The following NALCN variants were observed in gnomAD, a reference collection of about 807,000 sequenced individuals.
The protein encoded by NALCN is sodium leak channel NALCN.
NALCN carries 111 observed loss-of-function variants against 225.3 expected under a neutral mutation model. That is an observed-to-expected ratio of 0.49 (90% CI 0.42 to 0.58). The LOEUF is 0.58. NALCN is among the 20% of genes least tolerant of loss of function. The pLI is 0.00. For missense variants in NALCN, 1,378 were observed against 2,202.4 expected (o/e 0.63, Z 7.49); for synonymous variants, 764 against 769.0 (o/e 0.99, Z 0.11).
intron 28 of NALCN, among the ~76,000 whole-genome samples, chr13:101,091,114 C>T (rs2034209175): frequency 6.6e-6 from 1 of 152,060 alleles, no homozygotes; most frequent in South Asian, 2.1e-4. Context: ...TGGCTTTTCC[C>T]CCTCTTTCCT....
intron 18 of NALCN, among the ~76,000 whole-genome samples, chr13:101,121,222 C>T (rs1484481409): frequency 1.3e-5 from 2 of 152,066 alleles, no homozygotes; most frequent in African/African-American, 2.4e-5. Context: ...TGAAGATCGC[C>T]TCCTCCTAGC....
intron 11 of NALCN, among the ~76,000 whole-genome samples, chr13:101,239,211 G>A (rs1029076016): frequency 6.6e-6 from 1 of 151,800 alleles, no homozygotes; most frequent in African/African-American, 2.4e-5. Context: ...GTTTTTACAT[G>A]AGATGTAAAA....
rs566262873 is a variant in NALCN at position 101,138,109 on chromosome 13, C to T, written c.2118+4971G>A. ...TTCTGTAAGGGGAACTTAGGGGGTT[C>T]TGTCTCATGGTTCCAGTAATACTTT... On this transcript the variant is annotated intron_variant, in intron 17 of 43. Coordinates refer to ENST00000251127, the MANE Select transcript of NALCN (RefSeq NM_052867.4). 4.6e-5 allele frequency among the ~76,000 whole-genome samples: 7 copies of T among 152,280 alleles called. No individual in the cohort carries two copies. In the East Asian group the frequency reaches 1.4e-3, roughly 29 times the overall value.
intron 27 of NALCN, 91 bp from the exon 28 acceptor site, chr13:101,095,771 G>A: frequency 9.1e-7 from 1 of 1,100,456 alleles, no homozygotes; most frequent in Non-Finnish European, 1.3e-6. Context: ...TTCTTTCACG[G>A]AATCCCAAAA....
chr13:101,280,647 C>T (rs978170906), intron 10 of NALCN, among the ~76,000 whole-genome samples: 10 of 152,168 alleles, frequency 6.6e-5, no homozygotes, highest in East Asian at 3.9e-4. Flanking sequence ...TTCTCTATCA[C>T]GAACTTATGA....
chr13:101,386,222 C>T (rs1022446382), intron 3 of NALCN, among the ~76,000 whole-genome samples: 1 of 152,104 alleles, frequency 6.6e-6, no homozygotes. Flanking sequence ...AGAAATCAGT[C>T]GAGCTCCCCT....
chr13:101,299,261 G>C (rs987712740), intron 7 of NALCN, among the ~76,000 whole-genome samples: 2 of 152,184 alleles, frequency 1.3e-5, no homozygotes, highest in Admixed American at 1.3e-4. Context: ...TTTGGGGGAA[G>C]GGAGGCTATC....
In NALCN at chr13:101,124,582, T is replaced by C. The variant is rs746352472; in HGVS notation, c.2192+26A>G. On this transcript the variant is annotated intron_variant, in intron 18 of 43. Coordinates refer to ENST00000251127, the MANE Select transcript of NALCN (RefSeq NM_052867.4). ...TAATATAATCCCACTTGTGTTTAAA[T>C]ATGTGTCAACATTAATTGGTGTTAC... 4 of 1,587,716 alleles carry C rather than the reference T, an allele frequency of 2.5e-6. No individual in the cohort carries two copies. The African/African-American group carries it at 5.4e-5, about 21-fold the overall frequency.
rs191721288 is a variant in NALCN at position 101,083,530 on chromosome 13, C to T, written c.3583+181G>A. Among the ~76,000 whole-genome samples the T allele has an allele frequency of 2.5e-3, 388 of 152,162 alleles. 2 individuals carry two copies. The highest frequency in any genetic ancestry group is 8.8e-3 in the African/African-American group (364 of 41,494). On this transcript the variant is annotated intron_variant, in intron 31 of 43. Coordinates refer to ENST00000251127, the MANE Select transcript of NALCN (RefSeq NM_052867.4). ...TAGTCTGAGAGCACTGAAGCACAGC[C>T]TTTGGGTGGTTGATTTTAATAGCCT... is the stretch of plus-strand genomic sequence containing the variant.
chr13:101,058,433 A>ATAATG, intron 42 of NALCN: 1 of 159,076 alleles, frequency 6.3e-6, no homozygotes, highest in Non-Finnish European at 1.4e-5. Flanking sequence ...GGGGCAGTCT[A>ATAATG]CTGTCACCAG....
intron 3 of NALCN, among the ~76,000 whole-genome samples, chr13:101,388,913 C>G (rs973893851): frequency 1.3e-5 from 2 of 152,214 alleles, no homozygotes; most frequent in East Asian, 3.9e-4. Flanking sequence ...CCACTACACA[C>G]AAGTGACAGG....
chr13:101,063,534 CA>C (rs1197741823), intron 40 of NALCN, among the ~76,000 whole-genome samples: 5 of 152,210 alleles, frequency 3.3e-5, no homozygotes, highest in African/African-American at 9.6e-5. Flanking sequence ...TCATGTCAAC[CA>C]AAAAAATTTG....
At chr13:101,171,142 A>C (rs892462220) in intron 15 of NALCN, among the ~76,000 whole-genome samples, 13 of 151,894 alleles carry the variant, frequency 8.6e-5, no homozygotes, top group African/African-American at 3.1e-4. Context: ...TCTCATTTTT[A>C]GCCAATTTTT....
chr13:101,294,560 C>CTTT (rs10615640), intron 7 of NALCN, among the ~76,000 whole-genome samples: 18 of 87,848 alleles, frequency 2.0e-4, no homozygotes, highest in South Asian at 8.1e-4. Context: ...TTTATTGTTT[C>CTTT]TTTTTTTTTT....
intron 7 of NALCN, among the ~76,000 whole-genome samples, chr13:101,332,656 T>G (rs2045226788): frequency 6.6e-6 from 1 of 152,204 alleles, no homozygotes; most frequent in Non-Finnish European, 1.5e-5. Context: ...TATGCTACTG[T>G]AGATCTTATT....
chr13:101,231,770 T>C (rs2041357526), intron 12 of NALCN, among the ~76,000 whole-genome samples: 1 of 152,166 alleles, frequency 6.6e-6, no homozygotes, highest in Non-Finnish European at 1.5e-5. Flanking sequence ...GATTTTAATT[T>C]TTACATGTCT....
At chr13:101,282,913 T>C (rs1418593988) in intron 10 of NALCN, among the ~76,000 whole-genome samples, 1 of 152,102 alleles carries the variant, frequency 6.6e-6, no homozygotes, top group Non-Finnish European at 1.5e-5. Flanking sequence ...CATGTACCCA[T>C]CCTTGAGTTG....
chr13:101,349,390 T>C (rs2045840049), intron 6 of NALCN, among the ~76,000 whole-genome samples: 1 of 152,168 alleles, frequency 6.6e-6, no homozygotes. Flanking sequence ...CATTCTAACA[T>C]ATGGAACCTG....
chr13:101,267,637 C>A (rs193294906), intron 10 of NALCN, among the ~76,000 whole-genome samples: 59 of 152,330 alleles, frequency 3.9e-4, no homozygotes, highest in Middle Eastern at 3.4e-3. Flanking sequence ...TAGCCTGTTG[C>A]ATGGTGGCCA....
Sources: allele counts gnomAD v4.1 joint callset (sites outside exome capture counted in the v4.1 genomes callset), GRCh38; gene constraint gnomAD v4.1.1; transcripts MANE v1.5; gene names NCBI Gene and HGNC (gene_info 2026-07-23, HGNC 2026-07-21).